The following NRP1 variants were observed in gnomAD, a reference collection of about 807,000 sequenced individuals.
NRP1 encodes the protein neuropilin 1.
In NRP1, 35 loss-of-function variants were observed where a neutral mutation model predicts 106.7. The ratio of observed to expected loss-of-function variants is 0.33; its 90% confidence interval spans 0.25 to 0.43. NRP1 has a LOEUF of 0.43. Among genes scored for constraint, NRP1 ranks in the 20% least tolerant of loss-of-function variants. NRP1 has a pLI of 1.00. For missense variants in NRP1, 1,024 were observed against 1,170.4 expected (o/e 0.87, Z 1.83); for synonymous variants, 437 against 417.9 (o/e 1.05, Z -0.56).
intron 2 of NRP1, among the ~76,000 whole-genome samples, chr10:33,271,780 C>T (rs1231132814): frequency 2.0e-5 from 3 of 152,184 alleles, no homozygotes; most frequent in Non-Finnish European, 2.9e-5. Flanking sequence ...ACACTAGTGT[C>T]CCCTAGGAAA....
chr10:33,191,905 G>T (rs1836439120), intron 13 of NRP1, among the ~76,000 whole-genome samples: 1 of 149,788 alleles, frequency 6.7e-6, no homozygotes, highest in African/African-American at 2.5e-5. Flanking sequence ...GTGAAGCCAG[G>T]AGGCGGAGGT....
At chr10:33,196,242 A>C (rs1160963656) in intron 12 of NRP1, among the ~76,000 whole-genome samples, 2 of 152,106 alleles carry the variant, frequency 1.3e-5, no homozygotes, top group African/African-American at 2.4e-5. Context: ...TTAGCTGGCG[A>C]CTTCATAGTG....
At position 33,265,186 on chromosome 10, in the gene NRP1, C is replaced by T. The variant is rs76586942; in HGVS notation, c.431-1313G>A. On this transcript the variant is annotated intron_variant, in intron 3 of 16. Coordinates refer to ENST00000374867, the MANE Select transcript of NRP1 (RefSeq NM_003873.7). The stretch of plus-strand genomic sequence containing the variant: ...ACTGCCTTCTCTACCAACATGAGCA[C>T]ATCAGCTCAGTCCCTGAATACCACC... Among the ~76,000 whole-genome samples the T allele has an allele frequency of 3.1e-3, 475 of 152,306 alleles. 2 individuals carry two copies. Among genetic ancestry groups the T allele is most frequent in the African/African-American group, 0.011 (455 of 41,576 alleles).
At chr10:33,326,411 T>C (rs912947455) in intron 2 of NRP1, among the ~76,000 whole-genome samples, 2 of 152,202 alleles carry the variant, frequency 1.3e-5, no homozygotes, top group Non-Finnish European at 2.9e-5. Flanking sequence ...TTAATTATGC[T>C]TTGACACTTC....
At chr10:33,251,873 G>A (rs368650893) in intron 6 of NRP1, among the ~76,000 whole-genome samples, 35 of 152,176 alleles carry the variant, frequency 2.3e-4, no homozygotes, top group African/African-American at 7.7e-4. Context: ...GCAAGAGCGC[G>A]GTCCCTTTAA....
rs116602810 is a variant in NRP1 at position 33,240,891 on chromosome 10, A to G, written c.981+13137T>C. ...ACAGTTAGTCTCTGAAGGAATGCCA[A>G]TCATTCCTGAGAACAGATGAAGTGA... On this transcript the variant is annotated intron_variant, in intron 6 of 16. Coordinates refer to ENST00000374867, the MANE Select transcript of NRP1 (RefSeq NM_003873.7). Among the ~76,000 whole-genome samples the G allele has an allele frequency of 4.5e-3, 685 of 152,334 alleles. 6 individuals are homozygous for G. The highest frequency in any genetic ancestry group is 0.016 in the African/African-American group (660 of 41,574).
At chr10:33,214,623 T>G (rs1838606298) in intron 8 of NRP1, among the ~76,000 whole-genome samples, 1 of 152,170 alleles carries the variant, frequency 6.6e-6, no homozygotes, top group Non-Finnish European at 1.5e-5. Flanking sequence ...CAACTGCTAC[T>G]TAAATTTTCA....
At chr10:33,227,883 G>T (rs1305988512) in intron 6 of NRP1, among the ~76,000 whole-genome samples, 1 of 152,094 alleles carries the variant, frequency 6.6e-6, no homozygotes, top group Non-Finnish European at 1.5e-5. Flanking sequence ...AGTGGGATTA[G>T]ATAACTTGGA....
rs1588672664 is a variant in NRP1 at position 33,179,862 on chromosome 10, C to T, written c.*214G>A. The stretch of plus-strand genomic sequence containing the variant: ...CAGCATCTGATTATTCAAATGAAAC[C>T]AACAGGAAAAAAGCTGACTGCACAT... On this transcript the variant is annotated 3_prime_UTR_variant, in exon 17 of 17. Coordinates refer to ENST00000374867, the MANE Select transcript of NRP1 (RefSeq NM_003873.7). The T allele has an allele frequency of 1.8e-6, 1 of 566,160 alleles. No homozygotes were observed. The highest frequency in any genetic ancestry group is 2.9e-5 in the East Asian group (1 of 35,066). 35.1% of individuals were successfully genotyped at this position (566,160 alleles called of 1,614,324 possible). A position where few individuals can be genotyped will look rare whatever the true frequency, so the allele number is the denominator to read the frequency against.
At chr10:33,276,062 A>G (rs1171550993) in intron 2 of NRP1, among the ~76,000 whole-genome samples, 1 of 152,176 alleles carries the variant, frequency 6.6e-6, no homozygotes, top group Non-Finnish European at 1.5e-5. Flanking sequence ...AAAAATCTAG[A>G]CGGAACTAAC....
chr10:33,181,783 A>G (rs1444904573), intron 16 of NRP1, among the ~76,000 whole-genome samples: 1 of 152,214 alleles, frequency 6.6e-6, no homozygotes, highest in Non-Finnish European at 1.5e-5. Flanking sequence ...CAACCCCTAG[A>G]GCTGCTGTGA....
At chr10:33,327,420 T>A (rs1371141944) in intron 2 of NRP1, among the ~76,000 whole-genome samples, 3 of 152,080 alleles carry the variant, frequency 2.0e-5, no homozygotes, top group Non-Finnish European at 4.4e-5. Context: ...CAAGGAAAAA[T>A]ATTAAATGTC....
intron 12 of NRP1, among the ~76,000 whole-genome samples, chr10:33,193,289 C>T (rs765941468): frequency 4.6e-5 from 7 of 152,106 alleles, no homozygotes; most frequent in East Asian, 1.9e-4. Flanking sequence ...TACACAGCCT[C>T]TTTTTGAAAG....
intron 6 of NRP1, among the ~76,000 whole-genome samples, chr10:33,253,439 AT>A (rs1307043423): frequency 6.6e-6 from 1 of 152,144 alleles, no homozygotes; most frequent in African/African-American, 2.4e-5. Context: ...AAATATGTAC[AT>A]TTCATGCCTA....
intron 2 of NRP1, among the ~76,000 whole-genome samples, chr10:33,308,428 G>A (rs1456789665): frequency 1.3e-5 from 2 of 150,624 alleles, no homozygotes; most frequent in African/African-American, 4.9e-5. Context: ...CTAATATAAT[G>A]TTTTACATGT....
chr10:33,273,851 G>A (rs1227218393), intron 2 of NRP1, among the ~76,000 whole-genome samples: 2 of 152,134 alleles, frequency 1.3e-5, no homozygotes, highest in African/African-American at 4.8e-5. Flanking sequence ...TGGGTCCAAA[G>A]GGCACCACCG....
rs1848484059 is a variant in NRP1, at chr10:33,334,318, A to G, written c.65T>C (p.Phe22Ser). 6.5e-7 allele frequency: 1 copy of G among 1,542,638 alleles called. No individual in the cohort carries two copies. Among genetic ancestry groups the G allele is most frequent in the African/African-American group, 1.4e-5 (1 of 72,940 alleles). ...CTCTGCCTGTCACTTACCGTTGCGA[A>G]AAGCGCCGGCCGGGGCGAGGACGAG... is the stretch of plus-strand genomic sequence containing the variant. ...LALVLAPAGA[F>S]RNDKCGDTIK... Residue 22 changes from phenylalanine to serine, a missense_variant, in exon 1 of 17, where the codon TTT becomes TCT. By Grantham distance (155) the Phe-to-Ser change is radical. Coordinates refer to ENST00000374867, the MANE Select transcript of NRP1 (RefSeq NM_003873.7).
intron 6 of NRP1, among the ~76,000 whole-genome samples, chr10:33,230,673 G>A (rs946579429): frequency 1.3e-5 from 2 of 150,618 alleles, no homozygotes; most frequent in South Asian, 2.1e-4. Flanking sequence ...CAACTTATCC[G>A]CCCTAGAAGC....
chr10:33,207,788 C>T, intron 9 of NRP1, 72 bp from the exon 10 acceptor site: 1 of 1,546,410 alleles, frequency 6.5e-7, no homozygotes, highest in Admixed American at 1.8e-5. Context: ...ACTGTTTCTT[C>T]CCTCCTTCAG....
Sources: allele counts gnomAD v4.1 joint callset (sites outside exome capture counted in the v4.1 genomes callset), GRCh38; gene constraint gnomAD v4.1.1; transcripts MANE v1.5; gene names NCBI Gene and HGNC (gene_info 2026-07-23, HGNC 2026-07-21).